Variants in HTT-AS observed in about 807,000 individuals in gnomAD.
HTT-AS encodes the protein HTT antisense RNA.
intron 2 of HTT-AS, among the ~76,000 whole-genome samples, chr4:3,061,849 G>T (rs964837630): frequency 5.3e-5 from 8 of 151,544 alleles, no homozygotes; most frequent in Non-Finnish European, 1.2e-4. Context: ...GGGTGTGGTG[G>T]CGAGCACCTG....
intron 2 of HTT-AS, among the ~76,000 whole-genome samples, chr4:3,049,906 TCA>T (rs57430954): frequency 0.5 from 67,316 of 134,164 alleles, 16,744 homozygotes; most frequent in South Asian, 0.6. Context: ...TTGTAAGTTA[TCA>T]CACACACACA....
intron 2 of HTT-AS, among the ~76,000 whole-genome samples, chr4:3,052,449 G>A (rs1450339852): frequency 6.6e-6 from 1 of 152,048 alleles, no homozygotes; most frequent in African/African-American, 2.4e-5. Context: ...CCCCGTTTTG[G>A]GAAAAAACTC....
In HTT-AS at chr4:3,058,365, T is replaced by C. The variant is rs570873341; in HGVS notation, n.1380+4069A>G. ...AAAATAGAACATATAGGGTAACTTC[T>C]ATATGTTGCCATGGCATCAGTAAAC... On this transcript the variant is annotated intron_variant and non_coding_transcript_variant, in intron 2 of 2. Transcript: ENST00000664062. 9.2e-5 allele frequency among the ~76,000 whole-genome samples: 14 copies of C among 152,254 alleles called. No homozygotes were observed. In the South Asian group the frequency reaches 2.9e-3, roughly 32 times the overall value.
chr4:3,064,292 C>T (rs1684908036), intron 1 of HTT-AS, among the ~76,000 whole-genome samples: 1 of 151,956 alleles, frequency 6.6e-6, no homozygotes, highest in Admixed American at 6.6e-5. Flanking sequence ...GACGGGGTTT[C>T]ACCATATTAA....
chr4:3,060,149 A>G (rs1453348876), intron 2 of HTT-AS, among the ~76,000 whole-genome samples: 2 of 152,150 alleles, frequency 1.3e-5, no homozygotes, highest in African/African-American at 4.8e-5. Flanking sequence ...GCACAGTTAA[A>G]TCTTTTGAAA....
At chr4:3,060,016 G>C (rs148194567) in intron 2 of HTT-AS, among the ~76,000 whole-genome samples, 141 of 149,750 alleles carry the variant, frequency 9.4e-4, no homozygotes, top group African/African-American at 3.2e-3. Flanking sequence ...CTGTCTCCTG[G>C]GTTCCAGTGA....
intron 1 of HTT-AS, among the ~76,000 whole-genome samples, chr4:3,072,444 A>G (rs1220829692): frequency 6.6e-6 from 1 of 152,166 alleles, no homozygotes; most frequent in East Asian, 1.9e-4. Context: ...ACCTTTGCCC[A>G]TTGGTTAGAA....
intron 1 of HTT-AS, among the ~76,000 whole-genome samples, chr4:3,068,332 A>T (rs1442417983): frequency 6.9e-6 from 1 of 143,982 alleles, no homozygotes; most frequent in Non-Finnish European, 1.6e-5. Flanking sequence ...AAAAAAAAAA[A>T]AGGGTGACGA....
chr4:3,051,030 T>TTGTGTGTGTGTGTG (rs59615689), intron 2 of HTT-AS, among the ~76,000 whole-genome samples: 102 of 122,552 alleles, frequency 8.3e-4, no homozygotes, highest in East Asian at 2.5e-3. Flanking sequence ...CCCTTACAAT[T>TTGTGTGTGTGTGTG]TGTGTGTGTG....
At chr4:3,069,661 C>G (rs958881975) in intron 1 of HTT-AS, among the ~76,000 whole-genome samples, 1 of 152,148 alleles carries the variant, frequency 6.6e-6, no homozygotes, top group African/African-American at 2.4e-5. Flanking sequence ...AGCGGTGCAC[C>G]TAGAACCTAA....
chr4:3,051,042 GT>G (rs1711693850), intron 2 of HTT-AS, among the ~76,000 whole-genome samples: 1 of 147,080 alleles, frequency 6.8e-6, no homozygotes, highest in African/African-American at 2.5e-5. Context: ...GTGTGTGTGT[GT>G]GTGTGTGTGT....
At chr4:3,053,618 A>G (rs934304316) in intron 2 of HTT-AS, among the ~76,000 whole-genome samples, 1 of 152,228 alleles carries the variant, frequency 6.6e-6, no homozygotes, top group African/African-American at 2.4e-5. Flanking sequence ...AATATTTTGA[A>G]AGAAAAATAA....
chr4:3,051,118 G>C (rs368878914), intron 2 of HTT-AS, among the ~76,000 whole-genome samples: 1 of 150,356 alleles, frequency 6.7e-6, no homozygotes, highest in African/African-American at 2.5e-5. Context: ...CCAGGCTGGA[G>C]TACAGTGACA....
chr4:3,061,478 T>G (rs1476772739), intron 2 of HTT-AS, among the ~76,000 whole-genome samples: 1 of 150,816 alleles, frequency 6.6e-6, no homozygotes, highest in Non-Finnish European at 1.5e-5. Context: ...GTCAGGAGTT[T>G]GAGAGCAGCC....
intron 2 of HTT-AS, among the ~76,000 whole-genome samples, chr4:3,052,514 TAAGGCTCTGTTCTGTTTTGC>T (rs906997192): frequency 3.9e-5 from 6 of 152,330 alleles, no homozygotes; most frequent in African/African-American, 1.4e-4. Context: ...TTTCAAAATC[TAAGGCTCTGTTCTGTTTTGC>T]ATTGGATTAT....
chr4:3,058,193 G>A (rs1455971272), intron 2 of HTT-AS, among the ~76,000 whole-genome samples: 4 of 152,048 alleles, frequency 2.6e-5, no homozygotes, highest in Non-Finnish European at 1.5e-5. Context: ...GGGCGTGGTG[G>A]CGCGTGCCTG....
downstream of HTT-AS, among the ~76,000 whole-genome samples, chr4:3,048,559 G>C (rs939217560): frequency 6.6e-6 from 1 of 152,130 alleles, no homozygotes; most frequent in African/African-American, 2.4e-5. Flanking sequence ...AGCTAGATAA[G>C]AGGCTACTCA....
At chr4:3,072,179 G>C (rs1712188458) in intron 1 of HTT-AS, among the ~76,000 whole-genome samples, 1 of 152,248 alleles carries the variant, frequency 6.6e-6, no homozygotes, top group Non-Finnish European at 1.5e-5. Context: ...TCCCACCTGA[G>C]AGCTCAGCCG....
chr4:3,047,857 T>C (rs989784790), downstream of HTT-AS, among the ~76,000 whole-genome samples: 1 of 152,220 alleles, frequency 6.6e-6, no homozygotes, highest in Non-Finnish European at 1.5e-5. Context: ...GTAGCAGAAT[T>C]AGTGAAAGTG....
Sources: allele counts gnomAD v4.1 joint callset (sites outside exome capture counted in the v4.1 genomes callset), GRCh38; gene constraint gnomAD v4.1.1; transcripts MANE v1.5; gene names NCBI Gene and HGNC (gene_info 2026-07-23, HGNC 2026-07-21).